The following COL28A1 variants were observed in gnomAD, a reference collection of about 807,000 sequenced individuals.
COL28A1 encodes the protein collagen type XXVIII alpha 1 chain.
COL28A1 carries 161 observed loss-of-function variants against 150.2 expected under a neutral mutation model. The ratio of observed to expected loss-of-function variants is 1.07; its 90% CI spans 0.94 to 1.22. The LOEUF is 1.22. Ranked by LOEUF, COL28A1 falls within the 50% of genes most tolerant of loss-of-function variation. COL28A1 has a pLI of 0.00. For synonymous variants in COL28A1, 552 were observed against 469.7 expected, an observed-to-expected ratio of 1.18 and a Z score of -2.26; for missense variants, 1,617 against 1,388.3, an observed-to-expected ratio of 1.16 and a Z score of -2.62.
At chr7:7,358,946 AAAG>A (rs1412912168) in intron 34 of COL28A1, 141 bp from the exon 35 acceptor site, 12 of 610,454 alleles carry the variant, frequency 2.0e-5, no homozygotes, top group South Asian at 1.2e-4. Context: ...TAAGTAAGTG[AAAG>A]AAGGATTCCC....
At chr7:7,393,577 C>G (rs1782668839) in intron 27 of COL28A1, among the ~76,000 whole-genome samples, 1 of 151,124 alleles carries the variant, frequency 6.6e-6, no homozygotes, top group Non-Finnish European at 1.5e-5. Context: ...CCCAGGTGCT[C>G]TGTCCGAGGG....
chr7:7,514,579 G>A (rs1781319030), intron 8 of COL28A1, among the ~76,000 whole-genome samples: 1 of 152,208 alleles, frequency 6.6e-6, no homozygotes, highest in South Asian at 2.1e-4. Context: ...GGGCAAGAGT[G>A]TAAGTGGAAG....
upstream of COL28A1, among the ~76,000 whole-genome samples, chr7:7,540,696 T>A (rs1052837669): frequency 7.9e-5 from 12 of 152,206 alleles, no homozygotes; most frequent in African/African-American, 2.9e-4. Context: ...TTTATAAGGA[T>A]TTAACTTTAG....
chr7:7,404,148 A>G (rs1461870952), intron 27 of COL28A1, among the ~76,000 whole-genome samples: 3 of 152,068 alleles, frequency 2.0e-5, no homozygotes, highest in African/African-American at 7.2e-5. Flanking sequence ...CCCATGTGGC[A>G]GGGCCAAGCA....
chr7:7,345,557 TTTTG>T, the COL28A1 span, among the ~76,000 whole-genome samples: 3,156 of 152,154 alleles, frequency 0.021, 136 homozygotes, highest in African/African-American at 0.073. Flanking sequence ...TACCTTCAGT[TTTTG>T]TTTTTTTGTG....
chr7:7,413,012 TG>T (rs1431494984), intron 27 of COL28A1, among the ~76,000 whole-genome samples: 9 of 151,836 alleles, frequency 5.9e-5, no homozygotes, highest in Admixed American at 2.0e-4. Flanking sequence ...AGAATACAGA[TG>T]GGGGGAGATA....
chr7:7,495,042 TG>T (rs1472996321), intron 11 of COL28A1, among the ~76,000 whole-genome samples: 2 of 152,180 alleles, frequency 1.3e-5, no homozygotes, highest in African/African-American at 4.8e-5. Flanking sequence ...GGCCACTGTC[TG>T]GAGCAGCATG....
chr7:7,516,828 A>G (rs1047188922), intron 7 of COL28A1, among the ~76,000 whole-genome samples: 2 of 152,120 alleles, frequency 1.3e-5, no homozygotes, highest in Non-Finnish European at 2.9e-5. Context: ...TAGTGGCCTT[A>G]AGTGATCTTT....
intron 27 of COL28A1, among the ~76,000 whole-genome samples, chr7:7,408,999 G>A (rs530565624): frequency 1.3e-5 from 2 of 152,260 alleles, no homozygotes; most frequent in South Asian, 2.1e-4. Context: ...TGATTTGGGA[G>A]ATGTTGTTTA....
intron 18 of COL28A1, among the ~76,000 whole-genome samples, chr7:7,445,926 T>G (rs1178466596): frequency 6.6e-6 from 1 of 151,836 alleles, no homozygotes; most frequent in Non-Finnish European, 1.5e-5. Flanking sequence ...TGGTATGATC[T>G]CAGCTCACCG....
At chr7:7,511,475 G>A (rs971530967) in intron 8 of COL28A1, among the ~76,000 whole-genome samples, 3 of 152,110 alleles carry the variant, frequency 2.0e-5, no homozygotes, top group South Asian at 2.1e-4. Context: ...TCCACATAAC[G>A]GTCCAGGGAG....
chr7:7,397,843 T>C (rs1326109288), intron 27 of COL28A1, among the ~76,000 whole-genome samples: 1 of 152,204 alleles, frequency 6.6e-6, no homozygotes, highest in Non-Finnish European at 1.5e-5. Flanking sequence ...GAGCACCTAA[T>C]TCTTGAGCTC....
intron 11 of COL28A1, among the ~76,000 whole-genome samples, chr7:7,495,692 A>G (rs948263479): frequency 6.6e-6 from 1 of 151,728 alleles, no homozygotes; most frequent in Non-Finnish European, 1.5e-5. Flanking sequence ...AAATCCATCC[A>G]CTTCAGTCCT....
intron 7 of COL28A1, among the ~76,000 whole-genome samples, chr7:7,517,571 A>G (rs569441241): frequency 3.3e-5 from 5 of 152,296 alleles, no homozygotes; most frequent in Admixed American, 2.0e-4. Flanking sequence ...AGAATTTGAT[A>G]GGGTTGAACA....
chr7:7,490,987 G>T (rs2158755), intron 11 of COL28A1, among the ~76,000 whole-genome samples: 130,335 of 152,234 alleles, frequency 0.86, 55,857 homozygotes, highest in African/African-American at 0.88. Context: ...TTTTTAATGT[G>T]TTTATGGAGG....
At chr7:7,454,039 C>T (rs1786931675) in intron 16 of COL28A1, among the ~76,000 whole-genome samples, 1 of 152,044 alleles carries the variant, frequency 6.6e-6, no homozygotes, top group Non-Finnish European at 1.5e-5. Context: ...CACTTGACTC[C>T]CTCCTTCACA....
At chr7:7,483,067 G>A (rs1222195224) in intron 13 of COL28A1, among the ~76,000 whole-genome samples, 1 of 152,164 alleles carries the variant, frequency 6.6e-6, no homozygotes, top group Non-Finnish European at 1.5e-5. Flanking sequence ...AACTTAAGAT[G>A]GGATGGTTCG....
At chr7:7,411,883 G>C (rs80057042) in intron 27 of COL28A1, among the ~76,000 whole-genome samples, 6,639 of 152,304 alleles carry the variant, frequency 0.044, 217 homozygotes, top group South Asian at 0.076. Context: ...CACAGTATCA[G>C]GAGAATGACG....
chr7:7,352,790 T>C (rs775253479), downstream of COL28A1, among the ~76,000 whole-genome samples: 2 of 152,192 alleles, frequency 1.3e-5, no homozygotes, highest in Non-Finnish European at 2.9e-5. Flanking sequence ...TCTGTAGTAA[T>C]TTGTTATAGC....
Sources: allele counts gnomAD v4.1 joint callset (sites outside exome capture counted in the v4.1 genomes callset), GRCh38; gene constraint gnomAD v4.1.1; transcripts MANE v1.5; gene names NCBI Gene and HGNC (gene_info 2026-07-23, HGNC 2026-07-21).